The following STXBP5 variants were observed in gnomAD, a reference collection of about 807,000 sequenced individuals.
STXBP5 encodes syntaxin binding protein 5.
In STXBP5, 50 loss-of-function variants were observed where a neutral mutation model predicts 152.4. That is an observed-to-expected ratio of 0.33 (90% CI 0.26 to 0.42). The LOEUF is 0.42. Ranked by LOEUF, STXBP5 falls within the 10% of genes least tolerant of loss-of-function variation. STXBP5 has a pLI of 1.00. For synonymous variants in STXBP5, 492 were observed against 494.7 expected (o/e 0.99, Z 0.07); for missense variants, 1,167 against 1,388.6 (o/e 0.84, Z 2.54).
intron 2 of STXBP5, among the ~76,000 whole-genome samples, chr6:147,233,915 G>A (rs1336184671): frequency 6.7e-6 from 1 of 150,046 alleles, no homozygotes; most frequent in South Asian, 2.1e-4. Flanking sequence ...AATAATTCTA[G>A]GTGTTTAAAG....
chr6:147,372,834 C>A (rs969947586), intron 25 of STXBP5, among the ~76,000 whole-genome samples: 1 of 152,052 alleles, frequency 6.6e-6, no homozygotes, highest in Non-Finnish European at 1.5e-5. Context: ...CATTTCTGCA[C>A]TCTAAAAAAT....
At position 147,314,018 on chromosome 6, in the gene STXBP5, G is replaced by C; in HGVS notation, c.1280G>C (p.Gly427Ala). 6.3e-7 allele frequency: 1 copy of C among 1,583,968 alleles called. No homozygotes were observed. Among genetic ancestry groups the C allele is most frequent in the African/African-American group, 1.3e-5 (1 of 74,140 alleles). ...GTTGGAGCTAGACAGAAACGTCAAG[G>C]TTACAGCAAAAAGGTATTGAACATG... Reference protein sequence around the residue: ...YSVGARQKRQGYSKKEWPING... With the variant: ...YSVGARQKRQAYSKKEWPING... Residue 427 changes from glycine to alanine, a missense_variant, in exon 12 of 28, where the codon GGT becomes GCT. Gly to Ala is a moderately conservative substitution (Grantham distance 60). Around this residue, in one of 3 missense-constraint regions of STXBP5, gnomAD observed 833 missense variants for 986.3 expected, o/e 0.84. Coordinates refer to ENST00000321680, the MANE Select transcript of STXBP5 (RefSeq NM_001127715.4).
At chr6:147,227,826 CTT>C (rs1172544991) in intron 2 of STXBP5, among the ~76,000 whole-genome samples, 1 of 152,024 alleles carries the variant, frequency 6.6e-6, no homozygotes, top group East Asian at 1.9e-4. Flanking sequence ...CCTGTGATGA[CTT>C]TTTTATTTCA....
rs542543445 is a variant in STXBP5, at chr6:147,239,804, A to G, written c.431+534A>G. Among the ~76,000 whole-genome samples, 7 of 152,332 alleles carry G rather than the reference A, an allele frequency of 4.6e-5. No individual in the cohort carries two copies. The East Asian group carries it at 7.7e-4, about 17-fold the overall frequency. On this transcript the variant is annotated intron_variant, in intron 4 of 27. Coordinates refer to ENST00000321680, the MANE Select transcript of STXBP5 (RefSeq NM_001127715.4). ...TTTGTCTACATATACAAGTATATCC[A>G]TAAGATAAATTTGTAGAAGTAGGTT...
At chr6:147,373,669 T>C (rs1358510792) in intron 25 of STXBP5, 62 bp from the exon 26 acceptor site, 3 of 1,206,000 alleles carry the variant, frequency 2.5e-6, no homozygotes, top group Non-Finnish European at 2.5e-6. Context: ...AGTGATACTT[T>C]TGTTCATTAT....
intron 2 of STXBP5, among the ~76,000 whole-genome samples, chr6:147,229,320 G>A (rs1360329298): frequency 6.6e-6 from 1 of 151,622 alleles, no homozygotes; most frequent in Non-Finnish European, 1.5e-5. Flanking sequence ...TATGGTGTTA[G>A]TATTTATCAT....
At position 147,313,860 on chromosome 6, in the gene STXBP5, ACTTTT is replaced by A. The variant is rs1782504958; in HGVS notation, c.1146-18_1146-14del. 7.0e-7 allele frequency: 1 copy of A among 1,432,946 alleles called. No homozygotes were observed. The highest frequency in any genetic ancestry group is 9.5e-7 in the Non-Finnish European group (1 of 1,050,094). 88.8% of individuals were successfully genotyped at this position (1,432,946 alleles called of 1,614,324 possible). A position where few individuals can be genotyped will look rare whatever the true frequency, so the allele number is the denominator to read the frequency against. On this transcript the variant is annotated intron_variant, in intron 11 of 27. Transcript: ENST00000321680. ...GGTATAATTCATTAAATTAATAAAT[ACTTTT>A]CTTTTTCTGTTGTTAAAGATATCCT...
chr6:147,327,691 C>G (rs1400045315), intron 18 of STXBP5, among the ~76,000 whole-genome samples: 3 of 152,198 alleles, frequency 2.0e-5, no homozygotes, highest in African/African-American at 7.2e-5. Flanking sequence ...GATCCCCTGC[C>G]TCAGCCTCCC....
chr6:147,299,173 A>G (rs948574914), intron 9 of STXBP5, among the ~76,000 whole-genome samples: 5 of 151,908 alleles, frequency 3.3e-5, no homozygotes, highest in African/African-American at 9.7e-5. Context: ...TGAAAAAGGA[A>G]ACATTACAAC....
rs150672523 is a variant in STXBP5 at position 147,266,988 on chromosome 6, C to T, written c.631-96C>T. On this transcript the variant is annotated intron_variant, in intron 6 of 27. Coordinates refer to ENST00000321680, the MANE Select transcript of STXBP5 (RefSeq NM_001127715.4). ...GTTTATATTATACATTTATACTCAA[C>T]GCATTTGAATGATAGTAGTTATTTT... 4.8e-4 allele frequency: 474 copies of T among 986,934 alleles called. 1 individual carries two copies. In the African/African-American group the frequency reaches 6.3e-3, roughly 13 times the overall value. 61.1% of individuals were successfully genotyped at this position (986,934 alleles called of 1,614,324 possible).
chr6:147,292,860 T>C (rs1781347115), intron 9 of STXBP5: 1 of 152,180 alleles, frequency 6.6e-6, no homozygotes, highest in South Asian at 2.1e-4. Context: ...TTCTTCAAGA[T>C]GGCAGTAATA....
intron 2 of STXBP5, among the ~76,000 whole-genome samples, chr6:147,216,147 T>G (rs999916682): frequency 6.6e-6 from 1 of 152,152 alleles, no homozygotes; most frequent in Non-Finnish European, 1.5e-5. Flanking sequence ...ATCCCAGCGC[T>G]TTGGGAGGCT....
In STXBP5 at chr6:147,235,313, C is replaced by A; in HGVS notation, c.312C>A (p.Leu104=). ...QHDSGAAVIQ[L]QFLINEGALV... Reference sequence around the variant, plus strand: ...ACAGTGGAGCTGCAGTAATCCAGCTCCAGTTCCTGATTAATGAGGTTAGTG... The same window carrying A: ...ACAGTGGAGCTGCAGTAATCCAGCTACAGTTCCTGATTAATGAGGTTAGTG... Residue 104 remains leucine, a synonymous_variant, in exon 3 of 28, where the codon CTC becomes CTA. Coordinates refer to ENST00000321680, the MANE Select transcript of STXBP5 (RefSeq NM_001127715.4). 1 of 1,612,756 alleles carries A rather than the reference C, an allele frequency of 6.2e-7. No individual in the cohort carries two copies. The highest frequency in any genetic ancestry group is 8.5e-7 in the Non-Finnish European group (1 of 1,179,192).
At chr6:147,283,677 C>G (rs926004221) in intron 8 of STXBP5, among the ~76,000 whole-genome samples, 1 of 152,192 alleles carries the variant, frequency 6.6e-6, no homozygotes, top group Non-Finnish European at 1.5e-5. Context: ...AATAAATCAA[C>G]TAGGCCGTTT....
intron 19 of STXBP5, among the ~76,000 whole-genome samples, chr6:147,335,599 G>A (rs968253615): frequency 1.3e-5 from 2 of 152,056 alleles, no homozygotes; most frequent in African/African-American, 4.8e-5. Flanking sequence ...TGAAATAAAC[G>A]TGATATTTGT....
At chr6:147,378,775 A>G (rs1366716040) in intron 26 of STXBP5, among the ~76,000 whole-genome samples, 1 of 152,210 alleles carries the variant, frequency 6.6e-6, no homozygotes, top group African/African-American at 2.4e-5. Flanking sequence ...AATTTAATTT[A>G]TATTAACAGT....
chr6:147,224,200 C>T (rs537820388), intron 2 of STXBP5, among the ~76,000 whole-genome samples: 3 of 152,156 alleles, frequency 2.0e-5, no homozygotes, highest in African/African-American at 7.2e-5. Flanking sequence ...CCAAGGCAGG[C>T]GGATCATTTG....
chr6:147,354,516 T>C (rs1784731005), intron 22 of STXBP5, among the ~76,000 whole-genome samples: 2 of 151,216 alleles, frequency 1.3e-5, no homozygotes, highest in African/African-American at 2.4e-5. Context: ...AGGCACACAG[T>C]GTGCATTTTT....
chr6:147,313,651 C>T (rs1471736765), intron 11 of STXBP5, among the ~76,000 whole-genome samples: 3 of 152,066 alleles, frequency 2.0e-5, no homozygotes, highest in Non-Finnish European at 4.4e-5. Context: ...ATTTAAAGCA[C>T]TTAGTGTAGT....
Sources: allele counts gnomAD v4.1 joint callset (sites outside exome capture counted in the v4.1 genomes callset), GRCh38; gene constraint gnomAD v4.1.1; regional missense constraint gnomAD v4.1.1; transcripts MANE v1.5; gene names NCBI Gene and HGNC (gene_info 2026-07-23, HGNC 2026-07-21).